CDH18: variants seen among roughly 807,000 people sequenced by gnomAD.
CDH18 encodes cadherin 18, also known as cadherin-18.
In CDH18, 31 loss-of-function variants were observed where a neutral mutation model predicts 67.9. The observed-to-expected ratio is 0.46, with a 90% confidence interval of 0.34 to 0.62. The LOEUF is 0.62. CDH18 is among the 20% of genes least tolerant of loss of function. The pLI, the probability that CDH18 is intolerant of heterozygous loss-of-function variation, is 0.01. For synonymous variants in CDH18, 362 were observed against 347.2 expected (o/e 1.04, Z -0.48); for missense variants, 890 against 975.5 (o/e 0.91, Z 1.17).
rs570269843 is a variant in CDH18 at position 19,742,475 on chromosome 5, G to T, written c.523+4467C>A. The stretch of plus-strand genomic sequence containing the variant: ...TATTTTTTTTTAATCATTTTATCCT[G>T]TATGTCAAATGTCCATTTATTTTAC... On this transcript the variant is annotated intron_variant, in intron 4 of 12. Coordinates refer to ENST00000382275, the MANE Select transcript of CDH18 (RefSeq NM_004934.5). Among the ~76,000 whole-genome samples, 5 of 151,452 alleles carry T rather than the reference G, an allele frequency of 3.3e-5. No homozygotes were observed. The South Asian group carries it at 1.0e-3, about 32-fold the overall frequency.
intron 2 of CDH18, among the ~76,000 whole-genome samples, chr5:20,188,318 A>G (rs1007330651): frequency 6.6e-6 from 1 of 151,990 alleles, no homozygotes; most frequent in Admixed American, 6.6e-5. Context: ...AGCCAAATAA[A>G]TGTTAGAGCA....
intron 5 of CDH18, among the ~76,000 whole-genome samples, chr5:19,658,870 T>A (rs1443328908): frequency 6.6e-6 from 1 of 152,040 alleles, no homozygotes; most frequent in African/African-American, 2.4e-5. Context: ...TTCTCATTTA[T>A]TCACAAGAGC....
chr5:20,556,987 A>G (rs546352203), intron 1 of CDH18, among the ~76,000 whole-genome samples: 1 of 152,262 alleles, frequency 6.6e-6, no homozygotes, highest in Non-Finnish European at 1.5e-5. Context: ...TATTCCTAAG[A>G]GAAAATTACC....
At chr5:19,482,898 A>AT (rs914662985) in intron 12 of CDH18, among the ~76,000 whole-genome samples, 72 of 152,176 alleles carry the variant, frequency 4.7e-4, no homozygotes, top group African/African-American at 1.7e-3. Flanking sequence ...CCTCACCCTC[A>AT]TGCTGAATGA....
At chr5:19,593,256 C>T (rs575229562) in intron 6 of CDH18, among the ~76,000 whole-genome samples, 4 of 152,156 alleles carry the variant, frequency 2.6e-5, no homozygotes, top group East Asian at 3.9e-4. Flanking sequence ...ATTCTGTAGA[C>T]GCTACACAAG....
intron 2 of CDH18, among the ~76,000 whole-genome samples, chr5:19,962,752 G>A (rs927190947): frequency 6.6e-6 from 1 of 151,986 alleles, no homozygotes; most frequent in Non-Finnish European, 1.5e-5. Flanking sequence ...CTGCAGCCTG[G>A]GCAAGACTCG....
chr5:20,357,912 T>A (rs1421028787), intron 1 of CDH18, among the ~76,000 whole-genome samples: 1 of 151,772 alleles, frequency 6.6e-6, no homozygotes, highest in East Asian at 1.9e-4. Flanking sequence ...TCATCAACAG[T>A]GTGCAGGATT....
intron 8 of CDH18, among the ~76,000 whole-genome samples, chr5:19,557,449 A>T (rs1477593656): frequency 6.6e-6 from 1 of 152,088 alleles, no homozygotes; most frequent in African/African-American, 2.4e-5. Context: ...CAGATATTTC[A>T]TGAAAATGGA....
intron 4 of CDH18, among the ~76,000 whole-genome samples, chr5:19,728,402 C>T (rs1054483089): frequency 6.6e-6 from 1 of 152,152 alleles, no homozygotes; most frequent in African/African-American, 2.4e-5. Context: ...ATTAGTTTCT[C>T]TCAGCTGATG....
chr5:20,418,242 A>ATTTTTTTTTTTT (rs58308147), intron 1 of CDH18, among the ~76,000 whole-genome samples: 2,350 of 56,796 alleles, frequency 0.041, 422 homozygotes, highest in African/African-American at 0.073. Flanking sequence ...CTGCTGGCTA[A>ATTTTTTTTTTTT]TTTTTTTTTT....
intron 11 of CDH18, among the ~76,000 whole-genome samples, chr5:19,494,578 T>C (rs1041229393): frequency 2.6e-5 from 4 of 152,226 alleles, no homozygotes; most frequent in Non-Finnish European, 2.9e-5. Flanking sequence ...TAAATTTTCA[T>C]GTTAGCTCAA....
At chr5:19,902,629 C>G (rs1323913601) in intron 2 of CDH18, among the ~76,000 whole-genome samples, 1 of 152,064 alleles carries the variant, frequency 6.6e-6, no homozygotes, top group African/African-American at 2.4e-5. Context: ...GAGCAAGAAC[C>G]CAGCCAAGCT....
rs769483463 is a variant in CDH18, at chr5:20,482,104, C to T, written c.-580+93358G>A. 3.3e-5 allele frequency among the ~76,000 whole-genome samples: 5 copies of T among 151,574 alleles called. No homozygotes were observed. The East Asian group carries it at 5.8e-4, about 18-fold the overall frequency. Reference sequence around the variant, plus strand: ...ATAAAATTATAGATGGAAAAGGAGACATTACGATTGAAACTGCAGAAATTC... The same window carrying T: ...ATAAAATTATAGATGGAAAAGGAGATATTACGATTGAAACTGCAGAAATTC... On this transcript the variant is annotated intron_variant, in intron 1 of 14. Coordinates refer to the CDH18 transcript ENST00000507958.
chr5:20,415,642 G>A (rs1747237015), intron 1 of CDH18, among the ~76,000 whole-genome samples: 2 of 151,556 alleles, frequency 1.3e-5, no homozygotes, highest in African/African-American at 4.8e-5. Flanking sequence ...GCATGGTGGT[G>A]GGCACCTGCA....
chr5:20,013,631 T>A (rs1292252970), intron 2 of CDH18, among the ~76,000 whole-genome samples: 1 of 152,142 alleles, frequency 6.6e-6, no homozygotes, highest in Non-Finnish European at 1.5e-5. Flanking sequence ...AGTTAAGTCT[T>A]CTAATTCATC....
At chr5:20,026,999 T>C (rs990653487) in intron 2 of CDH18, among the ~76,000 whole-genome samples, 1 of 151,542 alleles carries the variant, frequency 6.6e-6, no homozygotes, top group Non-Finnish European at 1.5e-5. Context: ...GACCTTGATA[T>C]GGAAATAAAC....
chr5:19,568,331 A>G (rs763543723), intron 8 of CDH18, among the ~76,000 whole-genome samples: 2 of 152,166 alleles, frequency 1.3e-5, no homozygotes, highest in Non-Finnish European at 2.9e-5. Context: ...AGGTCATGAA[A>G]ATGGAACTGT....
chr5:20,534,826 C>CATTT lies in CDH18; in HGVS notation c.-580+40635_-580+40636insAAAT, dbSNP rs1554015655. Among the ~76,000 whole-genome samples the CATTT allele has an allele frequency of 4.8e-5, 5 of 104,278 alleles. No homozygotes were observed. The South Asian group carries it at 1.4e-3, about 30-fold the overall frequency. The allele number at this position is 104,278 out of a possible 152,430, so 68.4% of individuals were successfully genotyped here. A position where few individuals can be genotyped will look rare whatever the true frequency, so the allele number is the denominator to read the frequency against. On this transcript the variant is annotated intron_variant, in intron 1 of 14. Transcript: ENST00000507958. ...GAACTCTGTTAGTTTATTCTAAATA[C>CATTT]ATGTATTTATTTATTTATTTATTTA...
chr5:20,503,587 C>A (rs1324154293), intron 1 of CDH18, among the ~76,000 whole-genome samples: 1 of 152,084 alleles, frequency 6.6e-6, no homozygotes, highest in African/African-American at 2.4e-5. Context: ...TCCAGAGGTT[C>A]CCAAGAGTGG....
Sources: allele counts gnomAD v4.1 joint callset (sites outside exome capture counted in the v4.1 genomes callset), GRCh38; gene constraint gnomAD v4.1.1; transcripts MANE v1.5; gene names NCBI Gene and HGNC (gene_info 2026-07-23, HGNC 2026-07-21).